PCDH9: variants seen among roughly 807,000 people sequenced by gnomAD.
PCDH9 encodes the protein protocadherin 9.
PCDH9 carries 24 observed loss-of-function variants against 70.6 expected under a neutral mutation model. That is an observed-to-expected ratio of 0.34 (90% CI 0.25 to 0.48). The LOEUF is 0.48. PCDH9 is among the 20% of genes least tolerant of loss of function. PCDH9 has a pLI of 0.99. For missense variants in PCDH9, 1,281 were observed against 1,503.6 expected (o/e 0.85, Z 2.45); for synonymous variants, 562 against 558.5 (o/e 1.01, Z -0.09).
chr13:67,226,352 C>T lies in PCDH9; in HGVS notation c.2089G>A (p.Val697Ile), dbSNP rs879013388. Residue 697 changes from valine (V) to isoleucine (I), a missense_variant, in exon 2 of 5, where the codon GTA becomes ATA. Val to Ile is a conservative substitution (Grantham distance 29). This residue lies in a region of PCDH9 where 798 missense variants were observed against 1,003.1 expected (regional missense o/e 0.80). Transcript: ENST00000377865. The surrounding 1 kb of genome is among the most constrained non-coding windows in gnomAD (Gnocchi z 5.0). ...ACATCCACTGCAAAAACTTCTGCTA[C>T]CACGGAGCCAGGAATGGCTGAGAGG... ...VPLSAIPGSV[V>I]AEVFAVDVDT... 6.2e-7 allele frequency: 1 copy of T among 1,614,138 alleles called. No individual in the cohort carries two copies.
At chr13:67,156,296 A>T (rs2138402938) in intron 2 of PCDH9, among the ~76,000 whole-genome samples, 2 of 152,210 alleles carry the variant, frequency 1.3e-5, no homozygotes, top group African/African-American at 4.8e-5. Context: ...GCAGAAGAAG[A>T]TAGAGGCAGG....
chr13:66,934,955 C>G (rs1019362011), intron 2 of PCDH9, among the ~76,000 whole-genome samples: 1 of 151,272 alleles, frequency 6.6e-6, no homozygotes, highest in Non-Finnish European at 1.5e-5. Flanking sequence ...CTCCTGACCT[C>G]GTGATCCGCC....
intron 4 of PCDH9, among the ~76,000 whole-genome samples, chr13:66,626,271 C>A (rs536479441): frequency 4.3e-4 from 65 of 152,120 alleles, no homozygotes; most frequent in South Asian, 2.9e-3. Context: ...TCAGAGAAAC[C>A]TAGAGGATAA....
chr13:67,116,483 T>C (rs1282478706), intron 2 of PCDH9, among the ~76,000 whole-genome samples: 37 of 152,262 alleles, frequency 2.4e-4, no homozygotes, highest in Middle Eastern at 3.4e-3. Flanking sequence ...AGTTGAAATA[T>C]CTGCTAAATT....
chr13:67,229,662 C>A (rs377552957), intron 1 of PCDH9, 118 bp downstream of exon 1: 2 of 152,258 alleles, frequency 1.3e-5, no homozygotes, highest in African/African-American at 4.8e-5. Context: ...GATGCAGATA[C>A]AGCCGAGTAG....
intron 4 of PCDH9, among the ~76,000 whole-genome samples, chr13:66,562,006 C>A (rs757825477): frequency 6.6e-6 from 1 of 152,090 alleles, no homozygotes; most frequent in East Asian, 1.9e-4. Flanking sequence ...CCTGAGCCAG[C>A]GAGACCACAA....
intron 4 of PCDH9, among the ~76,000 whole-genome samples, chr13:66,363,984 G>A (rs1419109603): frequency 6.6e-5 from 10 of 151,904 alleles, no homozygotes; most frequent in African/African-American, 9.7e-5. Flanking sequence ...GTGAAACCCC[G>A]TCTCTACTAA....
At chr13:66,675,077 T>C (rs1465289532) in intron 3 of PCDH9, among the ~76,000 whole-genome samples, 1 of 152,136 alleles carries the variant, frequency 6.6e-6, no homozygotes, top group East Asian at 1.9e-4. Flanking sequence ...AGATAGGGAT[T>C]TGTGAGAATA....
chr13:66,408,768 C>T (rs112008964), intron 4 of PCDH9, among the ~76,000 whole-genome samples: 4 of 151,772 alleles, frequency 2.6e-5, no homozygotes, highest in Non-Finnish European at 4.4e-5. Flanking sequence ...GTCACATACA[C>T]GAAATCACTG....
At chr13:66,634,760 T>G (rs1365492116) in intron 3 of PCDH9, among the ~76,000 whole-genome samples, 1 of 152,188 alleles carries the variant, frequency 6.6e-6, no homozygotes. Flanking sequence ...AATATTTGGC[T>G]GGTTTTAAAG....
intron 3 of PCDH9, among the ~76,000 whole-genome samples, chr13:66,878,020 T>G (rs2081849396): frequency 6.6e-6 from 1 of 152,080 alleles, no homozygotes; most frequent in African/African-American, 2.4e-5. Context: ...TTGACACCAG[T>G]CTTCAATCTA....
chr13:67,168,327 A>G (rs2088178933), intron 2 of PCDH9, among the ~76,000 whole-genome samples: 1 of 152,316 alleles, frequency 6.6e-6, no homozygotes, highest in East Asian at 1.9e-4. Context: ...GGGCTGATAC[A>G]GAACGTTCAT....
intron 2 of PCDH9, chr13:67,221,365 A>G (rs540618181): frequency 2.6e-5 from 4 of 152,244 alleles, no homozygotes; most frequent in African/African-American, 7.2e-5. Flanking sequence ...TAAATGTAAT[A>G]TAGTATCTCT....
chr13:67,136,620 GT>G (rs2087239224), intron 2 of PCDH9, among the ~76,000 whole-genome samples: 1 of 152,144 alleles, frequency 6.6e-6, no homozygotes, highest in African/African-American at 2.4e-5. Flanking sequence ...TATATAAATG[GT>G]GTAGTTCAGG....
chr13:66,806,516 ATTG>A (rs2080412925), intron 3 of PCDH9, among the ~76,000 whole-genome samples: 1 of 67,480 alleles, frequency 1.5e-5, no homozygotes, highest in African/African-American at 3.6e-5. Context: ...TACCTTTGTC[ATTG>A]TTGTTATGGA....
At chr13:66,897,756 G>A (rs562415931) in intron 3 of PCDH9, among the ~76,000 whole-genome samples, 1 of 152,052 alleles carries the variant, frequency 6.6e-6, no homozygotes, top group African/African-American at 2.4e-5. Context: ...AGTAATAGGA[G>A]CCTGTCAAAT....
chr13:66,997,195 A>T (rs1204586673), intron 2 of PCDH9, among the ~76,000 whole-genome samples: 1 of 152,202 alleles, frequency 6.6e-6, no homozygotes, highest in Admixed American at 6.5e-5. Flanking sequence ...GTAATTCATA[A>T]AGAAAAGAGG....
intron 3 of PCDH9, among the ~76,000 whole-genome samples, chr13:66,676,212 T>G (rs2078240418): frequency 6.6e-6 from 1 of 152,142 alleles, no homozygotes; most frequent in African/African-American, 2.4e-5. Context: ...CAGCTCCAAG[T>G]AAACTCTCAC....
intron 4 of PCDH9, among the ~76,000 whole-genome samples, chr13:66,406,956 C>T (rs1054156726): frequency 6.6e-6 from 1 of 151,944 alleles, no homozygotes; most frequent in Non-Finnish European, 1.5e-5. Flanking sequence ...TTCAGCAAAA[C>T]CATATACAGT....
Sources: gnomAD v4.1 joint callset for allele counts (sites outside exome capture counted in the v4.1 genomes callset) on GRCh38, gnomAD v4.1.1 for gene constraint, gnomAD v4.1.1 regional missense constraint, Gnocchi (gnomAD v3.1) non-coding constraint, MANE v1.5 for transcripts, NCBI Gene and HGNC (gene_info 2026-07-23, HGNC 2026-07-21) for gene names.